The following LRRTM4 variants were observed in gnomAD, a reference collection of about 807,000 sequenced individuals.
LRRTM4 encodes the protein leucine rich repeat transmembrane neuronal 4, also known as leucine-rich repeat transmembrane neuronal protein 4.
Under a neutral mutation model 47.6 loss-of-function variants are expected in LRRTM4, and 25 were observed. The observed-to-expected ratio is 0.53, with a 90% CI of 0.38 to 0.73. The LOEUF is 0.73. Ranked by LOEUF, LRRTM4 falls within the 30% of genes least tolerant of loss-of-function variation. LRRTM4 has a pLI of 0.00. For synonymous variants in LRRTM4, 311 were observed against 269.5 expected (o/e 1.15, Z -1.51); for missense variants, 638 against 713.4 (o/e 0.89, Z 1.20).
chr2:76,989,142 C>T (rs988977297), intron 3 of LRRTM4, among the ~76,000 whole-genome samples: 4 of 151,686 alleles, frequency 2.6e-5, no homozygotes, highest in African/African-American at 7.3e-5. Context: ...TTTGATTTAT[C>T]CATTATTTCT....
chr2:77,067,566 A>G (rs1224653725), intron 3 of LRRTM4, among the ~76,000 whole-genome samples: 1 of 152,078 alleles, frequency 6.6e-6, no homozygotes, highest in Non-Finnish European at 1.5e-5. Flanking sequence ...TAGAAAACAG[A>G]TCAATGATTT....
chr2:76,868,285 T>C (rs115514976), intron 3 of LRRTM4, among the ~76,000 whole-genome samples: 2,190 of 152,322 alleles, frequency 0.014, 77 homozygotes, highest in African/African-American at 0.049. Flanking sequence ...TTTATGAATG[T>C]GTCAGACATA....
chr2:77,347,419 T>C (rs1671602282), intron 3 of LRRTM4, among the ~76,000 whole-genome samples: 1 of 152,152 alleles, frequency 6.6e-6, no homozygotes, highest in Admixed American at 6.6e-5. Context: ...TGGAGTACTA[T>C]TGGACTATTT....
rs149474146 is a variant in LRRTM4, at chr2:76,901,898, G to A, written c.1552-152982C>T. 7.8e-4 allele frequency among the ~76,000 whole-genome samples: 119 copies of A among 152,240 alleles called. 1 individual carries two copies. The highest frequency in any genetic ancestry group is 2.7e-3 in the African/African-American group (114 of 41,544). On this transcript the variant is annotated intron_variant, in intron 3 of 3. Transcript: ENST00000409884. ...GAGGAGTATCATTTTAACTTCTGAT[G>A]ATTAGCAACCTAAATTCCATATATA...
At chr2:77,192,098 G>A (rs1311662715) in intron 3 of LRRTM4, among the ~76,000 whole-genome samples, 2 of 152,012 alleles carry the variant, frequency 1.3e-5, no homozygotes, top group Non-Finnish European at 2.9e-5. Flanking sequence ...AAAAATCAAT[G>A]ACAATTGAAT....
rs1186556371 is a variant in LRRTM4, at chr2:77,083,793, T to TTG, written c.1552-334878_1552-334877insCA. Among the ~76,000 whole-genome samples the TTG allele has an allele frequency of 9.2e-4, 61 of 66,446 alleles. 3 individuals carry two copies. Among genetic ancestry groups the TTG allele is most frequent in the African/African-American group, 4.1e-3 (54 of 13,036 alleles). 43.6% of individuals were successfully genotyped at this position (66,446 alleles called of 152,430 possible). On this transcript the variant is annotated intron_variant, in intron 3 of 3. Transcript: ENST00000409884. ...TTTTAACTGGACACACTTTTTTTTT[T>TTG]TTTTTTTTTTTTTTTTTTTTTTTTT...
At chr2:76,985,660 T>TAGTCAGA (rs1676768891) in intron 3 of LRRTM4, among the ~76,000 whole-genome samples, 1 of 151,966 alleles carries the variant, frequency 6.6e-6, no homozygotes, top group Non-Finnish European at 1.5e-5. Flanking sequence ...TCCAGGAAGT[T>TAGTCAGA]AGAGGCTTCT....
chr2:77,441,764 C>T (rs1272775423), intron 3 of LRRTM4, among the ~76,000 whole-genome samples: 1 of 152,046 alleles, frequency 6.6e-6, no homozygotes, highest in Non-Finnish European at 1.5e-5. Context: ...AGAAGTAAGA[C>T]ATAGTTTTCC....
At chr2:77,353,623 T>C (rs1245085580) in intron 3 of LRRTM4, among the ~76,000 whole-genome samples, 2 of 152,204 alleles carry the variant, frequency 1.3e-5, no homozygotes, top group South Asian at 2.1e-4. Flanking sequence ...TATTTTCATC[T>C]ACTTATTTTA....
chr2:77,262,291 C>T (rs1675937480), intron 3 of LRRTM4, among the ~76,000 whole-genome samples: 1 of 152,042 alleles, frequency 6.6e-6, no homozygotes, highest in Non-Finnish European at 1.5e-5. Context: ...CATCCCAAAA[C>T]CATTCCCCCA....
At chr2:77,068,126 G>A (rs1254685133) in intron 3 of LRRTM4, among the ~76,000 whole-genome samples, 1 of 152,036 alleles carries the variant, frequency 6.6e-6, no homozygotes, top group African/African-American at 2.4e-5. Context: ...TAAATATAGA[G>A]ACTGGTTTAT....
At chr2:77,023,875 C>T (rs967404253) in intron 3 of LRRTM4, among the ~76,000 whole-genome samples, 2 of 152,096 alleles carry the variant, frequency 1.3e-5, no homozygotes, top group Admixed American at 1.3e-4. Context: ...ATCTTTTCAG[C>T]AATGCCCCAC....
chr2:77,134,452 G>A (rs1210283495), intron 3 of LRRTM4, among the ~76,000 whole-genome samples: 1 of 152,072 alleles, frequency 6.6e-6, no homozygotes, highest in East Asian at 1.9e-4. Context: ...GCAACAAGAA[G>A]TTCAGGATTC....
chr2:77,240,153 T>A (rs1200156208), intron 3 of LRRTM4, among the ~76,000 whole-genome samples: 1 of 151,804 alleles, frequency 6.6e-6, no homozygotes, highest in Non-Finnish European at 1.5e-5. Flanking sequence ...TTCCATATAT[T>A]TAGAAATGAA....
intron 3 of LRRTM4, among the ~76,000 whole-genome samples, chr2:77,311,096 TA>T (rs1677443870): frequency 1.3e-5 from 2 of 152,076 alleles, no homozygotes; most frequent in Admixed American, 1.3e-4. Context: ...AATAGACTTT[TA>T]AAGTAGGAAT....
At chr2:77,265,638 T>C (rs865867018) in intron 3 of LRRTM4, among the ~76,000 whole-genome samples, 3 of 152,238 alleles carry the variant, frequency 2.0e-5, no homozygotes, top group Middle Eastern at 6.8e-3. Context: ...AGGACTAATA[T>C]AGACACTGTT....
intron 3 of LRRTM4, among the ~76,000 whole-genome samples, chr2:77,362,519 A>G (rs1672281291): frequency 6.6e-6 from 1 of 152,168 alleles, no homozygotes; most frequent in Admixed American, 6.5e-5. Flanking sequence ...TATGATCACA[A>G]GCTGGTGCTG....
intron 3 of LRRTM4, among the ~76,000 whole-genome samples, chr2:77,059,061 T>C (rs991921305): frequency 6.6e-6 from 1 of 152,188 alleles, no homozygotes; most frequent in African/African-American, 2.4e-5. Flanking sequence ...AAGTCTTTTT[T>C]CTTCCTTCGC....
chr2:77,470,159 C>T (rs192765674), intron 3 of LRRTM4, among the ~76,000 whole-genome samples: 2 of 152,122 alleles, frequency 1.3e-5, no homozygotes, highest in East Asian at 1.9e-4. Flanking sequence ...TTCAAAAATG[C>T]GTAATACCAG....
Sources: allele counts gnomAD v4.1 joint callset (sites outside exome capture counted in the v4.1 genomes callset), GRCh38; gene constraint gnomAD v4.1.1; transcripts MANE v1.5; gene names NCBI Gene and HGNC (gene_info 2026-07-23, HGNC 2026-07-21).